Variants in MCCC2 observed in about 807,000 individuals in gnomAD.
MCCC2 encodes the protein methylcrotonoyl-CoA carboxylase beta chain, mitochondrial.
MCCC2 carries 52 observed loss-of-function variants against 77.2 expected under a neutral mutation model. That is an observed-to-expected ratio of 0.67 (90% confidence interval 0.54 to 0.85). The LOEUF (loss-of-function observed/expected upper bound fraction) is 0.85. Ranked by LOEUF, MCCC2 falls within the 40% of genes least tolerant of loss-of-function variation. The pLI, the probability that MCCC2 is intolerant of heterozygous loss-of-function variation, is 0.00. For missense variants in MCCC2, 682 were observed against 703.2 expected (o/e 0.97, Z 0.34); for synonymous variants, 253 against 248.4 (o/e 1.02, Z -0.18).
intron 10 of MCCC2, 63 bp from the exon 11 acceptor site, chr5:71,640,940 A>T (rs1009483813): frequency 1.4e-6 from 2 of 1,399,818 alleles, no homozygotes; most frequent in Non-Finnish European, 2.0e-6. Context: ...CCTATAAGTA[A>T]CTTTAATACA....
intron 1 of MCCC2, among the ~76,000 whole-genome samples, chr5:71,589,439 G>T (rs1010098893): frequency 5.9e-5 from 9 of 152,260 alleles, no homozygotes; most frequent in Non-Finnish European, 5.9e-5. Flanking sequence ...GTTCAGGTCT[G>T]CTCCATGTGT....
At chr5:71,620,836 T>G (rs1746327510) in intron 6 of MCCC2, among the ~76,000 whole-genome samples, 1 of 152,156 alleles carries the variant, frequency 6.6e-6, no homozygotes. Context: ...TACTCTTGAT[T>G]CAAGTCTTAG....
intron 1 of MCCC2, among the ~76,000 whole-genome samples, chr5:71,590,217 G>T (rs951083015): frequency 6.6e-6 from 1 of 152,108 alleles, no homozygotes; most frequent in Admixed American, 6.6e-5. Context: ...ACTTGGTTTT[G>T]CCACTAAACT....
chr5:71,631,643 C>T (rs1472670414), intron 7 of MCCC2, among the ~76,000 whole-genome samples: 2 of 151,552 alleles, frequency 1.3e-5, no homozygotes, highest in Non-Finnish European at 2.9e-5. Flanking sequence ...CGGGTTCACG[C>T]CATTCTCCTG....
At chr5:71,617,422 C>G (rs1746198014) in intron 6 of MCCC2, among the ~76,000 whole-genome samples, 1 of 152,166 alleles carries the variant, frequency 6.6e-6, no homozygotes, top group Admixed American at 6.5e-5. Context: ...CTCTACTAGT[C>G]TGTTAGCTAC....
Position 71,587,416 on chromosome 5 carries a change from G to A in MCCC2, c.-10G>A, listed in dbSNP as rs1382093401. Reference sequence around the variant, plus strand: ...AGCGTGGGCCGCTCTCTCGCTCGGTGCCCGCCGCCATGTGGGCCGTCCTGA... The same window carrying A: ...AGCGTGGGCCGCTCTCTCGCTCGGTACCCGCCGCCATGTGGGCCGTCCTGA... On this transcript the variant is annotated 5_prime_UTR_variant, in exon 1 of 17. Coordinates refer to ENST00000340941, the MANE Select transcript of MCCC2 (RefSeq NM_022132.5). The A allele has an allele frequency of 6.5e-7, 1 of 1,533,484 alleles. No homozygotes were observed. Among genetic ancestry groups the A allele is most frequent in the South Asian group, 1.2e-5 (1 of 83,836 alleles). 95.0% of individuals were successfully genotyped at this position (1,533,484 alleles called of 1,614,324 possible).
intron 1 of MCCC2, among the ~76,000 whole-genome samples, chr5:71,590,343 G>A (rs1744924518): frequency 6.6e-6 from 1 of 152,192 alleles, no homozygotes; most frequent in Non-Finnish European, 1.5e-5. Context: ...AGTCTGATGG[G>A]CTGAGCTTGG....
intron 4 of MCCC2, among the ~76,000 whole-genome samples, chr5:71,600,400 G>A (rs951858478): frequency 6.6e-6 from 1 of 151,704 alleles, no homozygotes; most frequent in East Asian, 1.9e-4. Flanking sequence ...GGGCTCAAAC[G>A]ATGTTGAATA....
chr5:71,617,428 GCTAC>G (rs1283183598), intron 6 of MCCC2, among the ~76,000 whole-genome samples: 13 of 152,088 alleles, frequency 8.5e-5, no homozygotes, highest in African/African-American at 3.1e-4. Context: ...TAGTCTGTTA[GCTAC>G]TTGAGAATAG....
At chr5:71,644,499 C>G (rs1197703279) in intron 12 of MCCC2, among the ~76,000 whole-genome samples, 1 of 151,792 alleles carries the variant, frequency 6.6e-6, no homozygotes, top group Admixed American at 6.6e-5. Context: ...TCCAAGACAT[C>G]AGAAAAAAGA....
intron 1 of MCCC2, among the ~76,000 whole-genome samples, chr5:71,588,524 T>A (rs553901432): frequency 1.3e-5 from 2 of 152,362 alleles, no homozygotes; most frequent in East Asian, 1.9e-4. Flanking sequence ...TATTGTGGTC[T>A]AGGCACTATT....
At chr5:71,596,884 G>C (rs1333814247) in intron 3 of MCCC2, among the ~76,000 whole-genome samples, 1 of 151,990 alleles carries the variant, frequency 6.6e-6, no homozygotes, top group Non-Finnish European at 1.5e-5. Context: ...AGGTTGCAGT[G>C]AGACGAGATT....
rs1199399926 is a variant in MCCC2, at chr5:71,650,514, G to C, written c.1488+331G>C. ...GAGTCTCGCTCTGTCACCCAGGCTG[G>C]AGTGGAGTGCCGCAATCTCGGTTCA... On this transcript the variant is annotated intron_variant, in intron 15 of 16. Transcript: ENST00000340941. Among the ~76,000 whole-genome samples the C allele has an allele frequency of 2.6e-5, 4 of 151,586 alleles. No homozygotes were observed. The East Asian group carries it at 7.7e-4, about 29-fold the overall frequency.
chr5:71,588,108 A>G (rs1744833787), intron 1 of MCCC2, among the ~76,000 whole-genome samples: 1 of 152,088 alleles, frequency 6.6e-6, no homozygotes, highest in South Asian at 2.1e-4. Flanking sequence ...ATCTCTACTA[A>G]GAATACAAAA....
At chr5:71,609,978 A>G (rs905370381) in intron 6 of MCCC2, among the ~76,000 whole-genome samples, 8 of 152,200 alleles carry the variant, frequency 5.3e-5, no homozygotes, top group Non-Finnish European at 7.3e-5. Context: ...CAAAGCTGTC[A>G]GACAGGGACA....
intron 15 of MCCC2, among the ~76,000 whole-genome samples, chr5:71,650,649 A>T (rs768804064): frequency 1.3e-5 from 2 of 148,168 alleles, no homozygotes; most frequent in Non-Finnish European, 3.0e-5. Flanking sequence ...ATTTTTATTT[A>T]TTTATTTATT....
intron 6 of MCCC2, among the ~76,000 whole-genome samples, chr5:71,612,024 G>A (rs564021252): frequency 2.0e-4 from 31 of 151,664 alleles, no homozygotes; most frequent in South Asian, 4.2e-4. Context: ...TCCTGACCTC[G>A]TGATCTGCCG....
chr5:71,646,372 C>T, intron 13 of MCCC2, 95 bp downstream of exon 13: 8 of 1,115,598 alleles, frequency 7.2e-6, no homozygotes, highest in Non-Finnish European at 1.1e-5. Context: ...TAGACCACTT[C>T]ATCAGAGCAG....
chr5:71,652,805 A>T, intron 16 of MCCC2, 51 bp downstream of exon 16: 1 of 1,486,028 alleles, frequency 6.7e-7, no homozygotes, highest in South Asian at 1.1e-5. Context: ...TGGCAGTCAG[A>T]GGAACAGCTT....
Sources: gnomAD v4.1 joint callset for allele counts (sites outside exome capture counted in the v4.1 genomes callset) on GRCh38, gnomAD v4.1.1 for gene constraint, MANE v1.5 for transcripts, NCBI Gene and HGNC (gene_info 2026-07-23, HGNC 2026-07-21) for gene names.